The following POLB variants were observed in gnomAD, a reference collection of about 807,000 sequenced individuals.
The protein encoded by POLB is 5'-dRP lyase.
A neutral mutation model predicts 52.7 loss-of-function variants in POLB; 37 were observed. The observed-to-expected ratio is 0.70, with a 90% CI of 0.54 to 0.92. The LOEUF is 0.92. Ranked by LOEUF, POLB falls within the 40% of genes least tolerant of loss-of-function variation. The pLI is 0.00. For synonymous variants in POLB, 138 were observed against 131.3 expected (o/e 1.05, Z -0.35); for missense variants, 313 against 400.8 (o/e 0.78, Z 1.87).
At chr8:42,338,822 T>C in intron 1 of POLB, 137 bp downstream of exon 1, 1 of 1,005,490 alleles carries the variant, frequency 9.9e-7, no homozygotes, top group Non-Finnish European at 1.5e-6. Context: ...GGGATCTCCC[T>C]CCGGCGCCCC....
chr8:42,367,719 G>T (rs982367887), intron 11 of POLB, among the ~76,000 whole-genome samples: 4 of 152,090 alleles, frequency 2.6e-5, no homozygotes, highest in Non-Finnish European at 5.9e-5. Flanking sequence ...GAAAGCCATG[G>T]TTATTCCAGA....
rs1292615540 is a variant in POLB, at chr8:42,345,015, A to C, written c.182A>C (p.Lys61Thr). Residue 61 changes from lysine (K) to threonine (T), a missense_variant, in exon 3 of 14, where the codon AAA becomes ACA. Lys to Thr is a moderately conservative substitution (Grantham distance 78). Around this residue, in one of 3 missense-constraint regions of POLB, gnomAD observed 13 missense variants for 39.8 expected, o/e 0.33. Transcript: ENST00000265421. ...ATAAAGAGTGGAGCTGAAGCTAAGA[A>C]ATTGGTAAGTTTAGTTAGCATGTTG... ...HKIKSGAEAK[K>T]LPGVGTKIAE... The C allele has an allele frequency of 6.2e-7, 1 of 1,605,736 alleles. No homozygotes were observed. Among genetic ancestry groups the C allele is most frequent in the Non-Finnish European group, 8.5e-7 (1 of 1,172,554 alleles).
chr8:42,357,313 C>T lies in POLB; in HGVS notation c.478-7C>T. Reference sequence around the variant, plus strand: ...TGGGAATACTGACTTAATTTTTCTTCTATTAGGATATTGTACTAAATGAAG... The same window carrying T: ...TGGGAATACTGACTTAATTTTTCTTTTATTAGGATATTGTACTAAATGAAG... On this transcript the variant is annotated splice_region_variant and splice_polypyrimidine_tract_variant and intron_variant, in intron 8 of 13. Transcript: ENST00000265421. 2 of 1,499,206 alleles carry T rather than the reference C, an allele frequency of 1.3e-6. No homozygotes were observed. Among genetic ancestry groups the T allele is most frequent in the East Asian group, 2.3e-5 (1 of 44,272 alleles). 92.9% of individuals were successfully genotyped at this position (1,499,206 alleles called of 1,614,324 possible). A position where few individuals can be genotyped will look rare whatever the true frequency, so the allele number is the denominator to read the frequency against.
At chr8:42,355,768 GT>G (rs1194592133) in intron 7 of POLB, among the ~76,000 whole-genome samples, 2 of 152,148 alleles carry the variant, frequency 1.3e-5, no homozygotes, top group Non-Finnish European at 2.9e-5. Context: ...TAGTTTACTT[GT>G]TTTGAGGATT....
chr8:42,366,657 G>C (rs1247298789), intron 11 of POLB, among the ~76,000 whole-genome samples: 1 of 152,158 alleles, frequency 6.6e-6, no homozygotes, highest in Non-Finnish European at 1.5e-5. Flanking sequence ...GAGGTGGTTT[G>C]TATCTTTCAT....
At chr8:42,353,854 G>C (rs184849752) in intron 6 of POLB, among the ~76,000 whole-genome samples, 2 of 150,064 alleles carry the variant, frequency 1.3e-5, no homozygotes, top group African/African-American at 4.9e-5. Context: ...AATAATATAT[G>C]TAAAGCACTT....
chr8:42,338,502 G>A lies in POLB; in HGVS notation c.-123G>A. 1 of 800,746 alleles carries A rather than the reference G, an allele frequency of 1.2e-6. No individual in the cohort carries two copies. Among genetic ancestry groups the A allele is most frequent in the Non-Finnish European group, 2.1e-6 (1 of 470,288 alleles). 49.6% of individuals were successfully genotyped at this position (800,746 alleles called of 1,614,324 possible). ...CCCCATCGGGGGCAACCATTGTTCC[G>A]CCGGTCGCGCCGGAGCTGGGTTGCT... On this transcript the variant is annotated 5_prime_UTR_variant, in exon 1 of 14. Transcript: ENST00000265421.
chr8:42,347,776 G>T (rs1251377213), intron 3 of POLB, among the ~76,000 whole-genome samples: 2 of 151,944 alleles, frequency 1.3e-5, no homozygotes, highest in African/African-American at 4.8e-5. Context: ...ATTTCTATCT[G>T]GTAATTGCTG....
chr8:42,359,015 T>A (rs1315873143), intron 9 of POLB, among the ~76,000 whole-genome samples: 1 of 152,180 alleles, frequency 6.6e-6, no homozygotes, highest in Admixed American at 6.5e-5. Context: ...ATGACAGCCT[T>A]CCTGGATTTA....
At chr8:42,343,772 T>A (rs2130780862) in intron 2 of POLB, among the ~76,000 whole-genome samples, 1 of 152,288 alleles carries the variant, frequency 6.6e-6, no homozygotes, top group Middle Eastern at 3.4e-3. Context: ...GTACAAATCA[T>A]ACTCTTTGAC....
intron 4 of POLB, among the ~76,000 whole-genome samples, chr8:42,349,691 T>C (rs1375324374): frequency 6.6e-6 from 1 of 152,216 alleles, no homozygotes; most frequent in Non-Finnish European, 1.5e-5. Context: ...CCCGGCCATC[T>C]TTTAGAATTT....
intron 12 of POLB, 110 bp downstream of exon 12, chr8:42,369,445 CT>C: frequency 1.6e-6 from 1 of 630,308 alleles, no homozygotes; most frequent in Non-Finnish European, 2.8e-6. Flanking sequence ...CCTTTTTTTA[CT>C]CCCAAGAGCC....
In POLB at chr8:42,342,342, T is replaced by C. The variant is rs1822255334; in HGVS notation, c.120-2611T>C. 3.6e-5 allele frequency: 54 copies of C among 1,509,740 alleles called. No individual in the cohort carries two copies. In the South Asian group the frequency reaches 5.7e-4, roughly 16 times the overall value. The allele number at this position is 1,509,740 out of a possible 1,614,324, so 93.5% of individuals were successfully genotyped here. A position where few individuals can be genotyped will look rare whatever the true frequency, so the allele number is the denominator to read the frequency against. ...GGGCCAGCAGCAGGCCAGTACAATA[T>C]GTTGCAGCATAATTTGTCAGGCCAA... On this transcript the variant is annotated intron_variant, in intron 2 of 13. Transcript: ENST00000265421.
intron 8 of POLB, 28 bp downstream of exon 8, chr8:42,357,251 AT>A: frequency 6.8e-7 from 1 of 1,475,710 alleles, no homozygotes; most frequent in Non-Finnish European, 9.5e-7. Flanking sequence ...ATATTCTTTG[AT>A]TAGAATTGAG....
intron 9 of POLB, among the ~76,000 whole-genome samples, chr8:42,359,467 A>T (rs1585903106): frequency 6.9e-6 from 1 of 144,582 alleles, no homozygotes; most frequent in East Asian, 2.0e-4. Context: ...TGATCCTCCC[A>T]CTTCAGCCTC....
chr8:42,361,222 C>T, intron 9 of POLB, 73 bp from the exon 10 acceptor site: 1 of 980,056 alleles, frequency 1.0e-6, no homozygotes, highest in Non-Finnish European at 1.7e-6. Flanking sequence ...TTCTGTGTGT[C>T]ATCAGCTTGG....
chr8:42,364,448 C>G (rs192894873), intron 11 of POLB, among the ~76,000 whole-genome samples: 1 of 152,096 alleles, frequency 6.6e-6, no homozygotes, highest in Non-Finnish European at 1.5e-5. Flanking sequence ...AGACTGGTCT[C>G]GAACTCCTCA....
intron 4 of POLB, 35 bp downstream of exon 4, chr8:42,349,125 G>C (rs1273790632): frequency 8.1e-7 from 1 of 1,237,478 alleles, no homozygotes; most frequent in Admixed American, 1.8e-5. Flanking sequence ...ATTAATTATA[G>C]TATCTGCCTT....
intron 9 of POLB, chr8:42,360,946 A>T (rs908497944): frequency 2.7e-6 from 1 of 371,270 alleles, no homozygotes; most frequent in Non-Finnish European, 5.2e-6. Context: ...AGATTTTTAC[A>T]TATAGAGTTG....
Sources: allele counts gnomAD v4.1 joint callset (sites outside exome capture counted in the v4.1 genomes callset), GRCh38; gene constraint gnomAD v4.1.1; regional missense constraint gnomAD v4.1.1; transcripts MANE v1.5; gene names NCBI Gene and HGNC (gene_info 2026-07-23, HGNC 2026-07-21).